SENP7: variants seen among roughly 807,000 people sequenced by gnomAD.
The protein encoded by SENP7 is SUMO specific peptidase 7.
SENP7 carries 64 observed loss-of-function variants against 141.2 expected under a neutral mutation model. The observed-to-expected ratio is 0.45, with a 90% confidence interval of 0.37 to 0.56. SENP7 has a LOEUF of 0.56. Ranked by LOEUF, SENP7 falls within the 20% of genes least tolerant of loss-of-function variation. The pLI is 0.00. For synonymous variants in SENP7, 382 were observed against 426.4 expected, an observed-to-expected ratio of 0.90 and a Z score of 1.28; for missense variants, 1,025 against 1,212.2, an observed-to-expected ratio of 0.85 and a Z score of 2.29.
At chr3:101,398,003 C>G (rs1188776285) in intron 6 of SENP7, among the ~76,000 whole-genome samples, 1 of 152,220 alleles carries the variant, frequency 6.6e-6, no homozygotes, top group African/African-American at 2.4e-5. Context: ...ATCTGCATTT[C>G]TCTTATTGGC....
chr3:101,337,529 T>G lies in SENP7; in HGVS notation c.2460A>C (p.Thr820=). 6.5e-7 allele frequency: 1 copy of G among 1,545,982 alleles called. No homozygotes were observed. Among genetic ancestry groups the G allele is most frequent in the Non-Finnish European group, 8.9e-7 (1 of 1,124,616 alleles). ...CTTACGAAAGATTTGGATTATCTTC[T>G]GTTAAATTATTTTCCTTTCTTGTCA... is the stretch of plus-strand genomic sequence containing the variant. ...KCLTRKENNL[T]EDNPNLSMAQ... is the part of the protein sequence containing the mutation. Residue 820 remains threonine, a synonymous_variant, in exon 17 of 24, where the codon ACA becomes ACC. Coordinates refer to ENST00000394095, the MANE Select transcript of SENP7 (RefSeq NM_020654.5).
intron 3 of SENP7, among the ~76,000 whole-genome samples, chr3:101,489,034 A>G (rs939561976): frequency 2.6e-5 from 4 of 152,148 alleles, no homozygotes; most frequent in African/African-American, 9.7e-5. Flanking sequence ...AGATATTACA[A>G]CTAAGAATTT....
chr3:101,405,724 T>C (rs140362978), intron 5 of SENP7, among the ~76,000 whole-genome samples: 1,767 of 152,146 alleles, frequency 0.012, 12 homozygotes, highest in Middle Eastern at 0.017. Flanking sequence ...ATAGATAGCA[T>C]AAATAAAAAA....
At position 101,325,888 on chromosome 3, in the gene SENP7, T is replaced by C; in HGVS notation, c.*55A>G. 9.4e-6 allele frequency: 14 copies of C among 1,496,106 alleles called. No homozygotes were observed. The highest frequency in any genetic ancestry group is 1.2e-5 in the Non-Finnish European group (13 of 1,116,394). 92.7% of individuals were successfully genotyped at this position (1,496,106 alleles called of 1,614,324 possible). On this transcript the variant is annotated 3_prime_UTR_variant, in exon 24 of 24. Coordinates refer to ENST00000394095, the MANE Select transcript of SENP7 (RefSeq NM_020654.5). ...GTGAGCTGGCTAACACAAATGCTGGTAAGAGGCTTTCCAGTAATCTTAGAG... is the reference window on the plus strand; with the variant it reads ...GTGAGCTGGCTAACACAAATGCTGGCAAGAGGCTTTCCAGTAATCTTAGAG...
chr3:101,364,761 T>C (rs933280355), intron 10 of SENP7, 73 bp downstream of exon 10: 9 of 1,089,804 alleles, frequency 8.3e-6, no homozygotes, highest in Non-Finnish European at 6.4e-6. Flanking sequence ...TTCAGCTTGA[T>C]AAAACAAATA....
chr3:101,507,670 A>C (rs2108203289), intron 1 of SENP7, among the ~76,000 whole-genome samples: 1 of 152,228 alleles, frequency 6.6e-6, no homozygotes, highest in East Asian at 1.9e-4. Flanking sequence ...GGAAGACAAA[A>C]AAAAAATCTC....
chr3:101,513,181 CT>C lies in SENP7; in HGVS notation c.-52del. ...TGCAGGCGCTGTCACCTCAGGACCC[CT>C]CCGGCTTGGAGAGGGAGGGGGAGGG... On this transcript the variant is annotated 5_prime_UTR_variant, in exon 1 of 24. Coordinates refer to ENST00000394095, the MANE Select transcript of SENP7 (RefSeq NM_020654.5). 1 of 1,443,372 alleles carries C rather than the reference CT, an allele frequency of 6.9e-7. No individual in the cohort carries two copies. The highest frequency in any genetic ancestry group is 9.7e-7 in the Non-Finnish European group (1 of 1,032,892). 89.4% of individuals were successfully genotyped at this position (1,443,372 alleles called of 1,614,324 possible).
At chr3:101,343,572 T>G in intron 14 of SENP7, 114 bp downstream of exon 14, 1 of 993,554 alleles carries the variant, frequency 1.0e-6, no homozygotes, top group Non-Finnish European at 1.5e-6. Context: ...TTCTTTTGGG[T>G]TGGTTCCTAT....
chr3:101,423,038 T>A (rs1370349920), intron 4 of SENP7, among the ~76,000 whole-genome samples: 2 of 152,054 alleles, frequency 1.3e-5, no homozygotes, highest in African/African-American at 4.8e-5. Context: ...AACTAACAAT[T>A]GGGATGAAGG....
At chr3:101,402,579 T>C (rs1328031774) in intron 5 of SENP7, among the ~76,000 whole-genome samples, 1 of 129,284 alleles carries the variant, frequency 7.7e-6, no homozygotes, top group Non-Finnish European at 1.5e-5. Flanking sequence ...ATCATGCCAC[T>C]GCATTACAGC....
intron 22 of SENP7, 121 bp from the exon 23 acceptor site, chr3:101,327,937 C>T (rs2058946351): frequency 1.3e-6 from 1 of 751,122 alleles, no homozygotes; most frequent in Non-Finnish European, 2.1e-6. Flanking sequence ...AATTTCCACA[C>T]TGAATTTTAG....
chr3:101,463,105 C>G (rs1369729684), intron 3 of SENP7, among the ~76,000 whole-genome samples: 2 of 151,460 alleles, frequency 1.3e-5, no homozygotes, highest in African/African-American at 4.8e-5. Context: ...GTGGCTTATG[C>G]CTGTAATCCC....
intron 6 of SENP7, among the ~76,000 whole-genome samples, chr3:101,390,098 T>C (rs1217538155): frequency 1.3e-5 from 2 of 151,810 alleles, no homozygotes; most frequent in East Asian, 3.9e-4. Flanking sequence ...TGGGCATCTG[T>C]AGTCCCAGCT....
intron 4 of SENP7, among the ~76,000 whole-genome samples, chr3:101,434,933 ACC>A (rs2062325627): frequency 6.6e-6 from 1 of 152,142 alleles, no homozygotes; most frequent in African/African-American, 2.4e-5. Flanking sequence ...GTCCAGTATT[ACC>A]CTAACACCAA....
At chr3:101,440,872 A>G (rs1010680815) in intron 4 of SENP7, among the ~76,000 whole-genome samples, 7 of 152,246 alleles carry the variant, frequency 4.6e-5, no homozygotes, top group African/African-American at 9.6e-5. Flanking sequence ...AATTTATCCA[A>G]TAAATTTGAT....
chr3:101,430,082 G>A (rs528485160), intron 4 of SENP7, among the ~76,000 whole-genome samples: 110 of 151,970 alleles, frequency 7.2e-4, no homozygotes, highest in African/African-American at 2.4e-3. Flanking sequence ...TGCTGGATTC[G>A]GTTTGCCCAT....
intron 4 of SENP7, among the ~76,000 whole-genome samples, chr3:101,420,325 G>A (rs1357166560): frequency 4.6e-5 from 7 of 151,750 alleles, no homozygotes; most frequent in Non-Finnish European, 7.4e-5. Context: ...CCGAGATTGC[G>A]CCACTGCACT....
rs2059798373 is a variant in SENP7 at position 101,358,295 on chromosome 3, T to C, written c.1623+3420A>G. ...ATGTGGCAAAGCTTTTAACTGGTCC[T>C]CAGCCCTTAATAAACATAAAATAAT... On this transcript the variant is annotated intron_variant, in intron 11 of 23. Transcript: ENST00000394095. The C allele has an allele frequency of 3.8e-6, 4 of 1,058,574 alleles. No individual in the cohort carries two copies. The South Asian group carries it at 4.9e-5, about 13-fold the overall frequency. 65.6% of individuals were successfully genotyped at this position (1,058,574 alleles called of 1,614,324 possible).
intron 3 of SENP7, among the ~76,000 whole-genome samples, chr3:101,472,990 T>C (rs1170513794): frequency 2.6e-5 from 4 of 152,202 alleles, no homozygotes; most frequent in African/African-American, 9.7e-5. Flanking sequence ...CTCCCACTTA[T>C]AAGTGAGAAC....
Sources: allele counts gnomAD v4.1 joint callset (sites outside exome capture counted in the v4.1 genomes callset), GRCh38; gene constraint gnomAD v4.1.1; transcripts MANE v1.5; gene names NCBI Gene and HGNC (gene_info 2026-07-23, HGNC 2026-07-21).